The following RGS3 variants were observed in gnomAD, a reference collection of about 807,000 sequenced individuals.
RGS3 encodes regulator of G-protein signalling 3.
In RGS3, 80 loss-of-function variants were observed where a neutral mutation model predicts 132.6. The ratio of observed to expected loss-of-function variants is 0.60; its 90% confidence interval spans 0.50 to 0.73. RGS3 has a LOEUF of 0.73. RGS3 is among the 30% of genes least tolerant of loss of function. The probability of loss-of-function intolerance (pLI) is 0.00; values close to 1 mark genes in which losing one functional copy is unlikely to be tolerated. For missense variants in RGS3, 1,382 were observed against 1,530.8 expected (o/e 0.90, Z 1.62); for synonymous variants, 598 against 620.6 (o/e 0.96, Z 0.54).
At chr9:113,491,872 C>T (rs1401214310) in intron 7 of RGS3, among the ~76,000 whole-genome samples, 1 of 152,192 alleles carries the variant, frequency 6.6e-6, no homozygotes, top group Non-Finnish European at 1.5e-5. Flanking sequence ...ATCTTTTATA[C>T]TAATAGTAGG....
rs958418125 is a variant in RGS3 at position 113,579,619 on chromosome 9, C to T, written c.2038-3831C>T. Among the ~76,000 whole-genome samples, 2 of 152,206 alleles carry T rather than the reference C, an allele frequency of 1.3e-5. No individual in the cohort carries two copies. The highest frequency in any genetic ancestry group is 2.4e-5 in the African/African-American group (1 of 41,446). On this transcript the variant is annotated intron_variant, in intron 19 of 24. Coordinates refer to ENST00000350696, the Ensembl canonical transcript of RGS3. This position sits in a 1 kb window ranked among gnomAD's most constrained non-coding sequence, Gnocchi z 4.3. Reference sequence around the variant, plus strand: ...CGCCCTGGCTGGATTCTTGTTACTTCAGCTGTTGCAACAGCTGTCTCACTG... The same window carrying T: ...CGCCCTGGCTGGATTCTTGTTACTTTAGCTGTTGCAACAGCTGTCTCACTG...
At chr9:113,577,710 C>T (rs1834596897) in intron 19 of RGS3, among the ~76,000 whole-genome samples, 1 of 152,198 alleles carries the variant, frequency 6.6e-6, no homozygotes, top group Non-Finnish European at 1.5e-5. Flanking sequence ...GCTGCTTCCT[C>T]CCCTAGTGAG....
chr9:113,487,826 C>T (rs981271038), intron 7 of RGS3, among the ~76,000 whole-genome samples: 1 of 152,154 alleles, frequency 6.6e-6, no homozygotes, highest in Non-Finnish European at 1.5e-5. Flanking sequence ...CGGTGGTTCT[C>T]GATCCTGGAT....
intron 19 of RGS3, among the ~76,000 whole-genome samples, chr9:113,576,155 A>C (rs1431751555): frequency 6.6e-6 from 1 of 151,744 alleles, no homozygotes; most frequent in Non-Finnish European, 1.5e-5. Context: ...AGCTGAGATC[A>C]CGCCACTGCA....
chr9:113,460,039 C>CAAA (rs879005762), upstream of RGS3, among the ~76,000 whole-genome samples: 1 of 112,140 alleles, frequency 8.9e-6, no homozygotes. Context: ...GAAACTCTCT[C>CAAA]AAAAAAAAAA....
chr9:113,482,258 A>C (rs1830188737), intron 4 of RGS3, among the ~76,000 whole-genome samples: 1 of 151,982 alleles, frequency 6.6e-6, no homozygotes, highest in South Asian at 2.1e-4. Context: ...TTTAGCAAAC[A>C]TTTTTTGAGC....
Position 113,550,941 on chromosome 9 carries a change from A to G in RGS3, c.2037+14023A>G, listed in dbSNP as rs183013435. Among the ~76,000 whole-genome samples the G allele has an allele frequency of 2.6e-4, 39 of 152,300 alleles. 1 individual carries two copies. Among genetic ancestry groups the G allele is most frequent in the Admixed American group, 2.4e-3 (36 of 15,298 alleles). ...TGTTTCTGACTTATTAGTCATATCT[A>G]TCATTTGTTTTAGAGTAGTTTTATT... On this transcript the variant is annotated intron_variant, in intron 19 of 24. Transcript: ENST00000350696.
At chr9:113,581,231 G>A (rs1375455154) in intron 19 of RGS3, 3 of 154,348 alleles carry the variant, frequency 1.9e-5, no homozygotes, top group Non-Finnish European at 4.3e-5. Flanking sequence ...TCTGGCCCCA[G>A]CCTAGCCCCT....
chr9:113,548,679 C>T (rs1057039391), intron 19 of RGS3, among the ~76,000 whole-genome samples: 1 of 152,192 alleles, frequency 6.6e-6, no homozygotes, highest in African/African-American at 2.4e-5. Context: ...CCCTCACACC[C>T]CCTCCTCATA....
intron 14 of RGS3, among the ~76,000 whole-genome samples, chr9:113,509,563 A>G (rs192603212): frequency 2.6e-4 from 39 of 152,276 alleles, no homozygotes; most frequent in African/African-American, 9.4e-4. Context: ...GAAGGCTGAG[A>G]TATTGGTCTT....
chr9:113,525,227 G>A (rs1236117936), intron 17 of RGS3, among the ~76,000 whole-genome samples: 1 of 152,088 alleles, frequency 6.6e-6, no homozygotes, highest in Non-Finnish European at 1.5e-5. Context: ...CTGCTGAGAG[G>A]GATGGAAATG....
rs566292851 is a variant in RGS3 at position 113,473,041 on chromosome 9, A to G, written c.416-6450A>G. On this transcript the variant is annotated intron_variant, in intron 3 of 24. Transcript: ENST00000350696. ...GGGCGACAGAGTGAGACTCCATCTC[A>G]ATAATAAACAAAACTGATGAAATGT... 2.0e-5 allele frequency among the ~76,000 whole-genome samples: 3 copies of G among 152,320 alleles called. No homozygotes were observed. In the South Asian group the frequency reaches 6.2e-4, roughly 32 times the overall value.
At chr9:113,584,879 G>A (rs1285718305) in intron 20 of RGS3, among the ~76,000 whole-genome samples, 4 of 152,216 alleles carry the variant, frequency 2.6e-5, no homozygotes, top group Non-Finnish European at 4.4e-5. Flanking sequence ...GCCCTTTGAA[G>A]TAGATAGTAT....
At chr9:113,490,693 T>TTTTA (rs1830480331) in intron 7 of RGS3, among the ~76,000 whole-genome samples, 1 of 141,582 alleles carries the variant, frequency 7.1e-6, no homozygotes, top group Non-Finnish European at 1.5e-5. Flanking sequence ...ATATAATATA[T>TTTTA]TATATTATAT....
At chr9:113,534,160 G>A (rs921553921) in intron 18 of RGS3, among the ~76,000 whole-genome samples, 1 of 152,212 alleles carries the variant, frequency 6.6e-6, no homozygotes, top group African/African-American at 2.4e-5. Context: ...ATCAGCTGAT[G>A]TGATAGTCCA....
chr9:113,560,040 G>C (rs1355734117), intron 19 of RGS3, among the ~76,000 whole-genome samples: 1 of 152,180 alleles, frequency 6.6e-6, no homozygotes, highest in African/African-American at 2.4e-5. Context: ...AGGAAACTGA[G>C]ACTCAGAGAT....
intron 1 of RGS3, among the ~76,000 whole-genome samples, chr9:113,445,510 A>C (rs1210275949): frequency 6.6e-6 from 1 of 151,798 alleles, no homozygotes; most frequent in Non-Finnish European, 1.5e-5. Context: ...GGTTACCATA[A>C]TTTTCTAAGC....
exon 23 of RGS3, chr9:113,594,966 T>C (rs748746215): frequency 6.2e-7 from 1 of 1,614,108 alleles, no homozygotes; most frequent in Non-Finnish European, 8.5e-7. Context: ...TTGGAGAAGC[T>C]GCTGGTTCAC....
chr9:113,474,986 C>T (rs962902704), intron 3 of RGS3, among the ~76,000 whole-genome samples: 16 of 152,128 alleles, frequency 1.1e-4, no homozygotes, highest in Non-Finnish European at 1.6e-4. Context: ...GTATTGTCTG[C>T]CAGACTGAAT....
Sources: gnomAD v4.1 joint callset for allele counts (sites outside exome capture counted in the v4.1 genomes callset) on GRCh38, gnomAD v4.1.1 for gene constraint, Gnocchi (gnomAD v3.1) non-coding constraint, MANE v1.5 for transcripts, NCBI Gene and HGNC (gene_info 2026-07-23, HGNC 2026-07-21) for gene names.